The following ADCY9 variants were observed in gnomAD, a reference collection of about 807,000 sequenced individuals.
The protein encoded by ADCY9 is adenylate cyclase 9, also known as adenylate cyclase type 9.
A neutral mutation model predicts 101.5 loss-of-function variants in ADCY9; 50 were observed. The ratio of observed to expected loss-of-function variants is 0.49; its 90% CI spans 0.39 to 0.62. The LOEUF is 0.62. Among genes scored for constraint, ADCY9 ranks in the 20% least tolerant of loss-of-function variants. ADCY9 has a pLI of 0.00. For synonymous variants in ADCY9, 905 were observed against 769.3 expected (o/e 1.18, Z -2.92); for missense variants, 1,662 against 1,800.4 (o/e 0.92, Z 1.39).
At chr16:3,956,166 C>T (rs2055905306) in intron 5 of ADCY9, among the ~76,000 whole-genome samples, 1 of 152,146 alleles carries the variant, frequency 6.6e-6, no homozygotes, top group Non-Finnish European at 1.5e-5. Context: ...CCACAAAGTG[C>T]TGGGATTACA....
chr16:4,023,920 G>C (rs2056495776), intron 2 of ADCY9, among the ~76,000 whole-genome samples: 1 of 152,060 alleles, frequency 6.6e-6, no homozygotes, highest in African/African-American at 2.4e-5. Flanking sequence ...AAAACGACAA[G>C]AGGCATCTGA....
chr16:4,088,767 C>T (rs935669803), intron 2 of ADCY9, among the ~76,000 whole-genome samples: 1 of 152,004 alleles, frequency 6.6e-6, no homozygotes, highest in African/African-American at 2.4e-5. Context: ...CTACAATATA[C>T]TCTAATTGTT....
chr16:4,004,364 T>C (rs1257307150), intron 3 of ADCY9, among the ~76,000 whole-genome samples: 4 of 151,696 alleles, frequency 2.6e-5, no homozygotes, highest in African/African-American at 9.7e-5. Context: ...CATTTCCTGG[T>C]AGGTCGTTAC....
At chr16:4,030,173 A>G (rs895624007) in intron 2 of ADCY9, among the ~76,000 whole-genome samples, 2 of 152,210 alleles carry the variant, frequency 1.3e-5, no homozygotes, top group African/African-American at 4.8e-5. Context: ...ATTTCGGCCA[A>G]AGAAATGCAT....
At chr16:4,085,562 A>T (rs1214820754) in intron 2 of ADCY9, among the ~76,000 whole-genome samples, 1 of 152,156 alleles carries the variant, frequency 6.6e-6, no homozygotes, top group Non-Finnish European at 1.5e-5. Context: ...CAAGAGCTGC[A>T]GCAGAGGGTC....
chr16:3,974,286 C>T (rs943697774), intron 10 of ADCY9, among the ~76,000 whole-genome samples: 2 of 151,080 alleles, frequency 1.3e-5, no homozygotes, highest in Admixed American at 6.6e-5. Context: ...CCTCGTGATC[C>T]GCCCGCCTCG....
intron 6 of ADCY9, among the ~76,000 whole-genome samples, chr16:3,985,670 G>C (rs887278514): frequency 2.0e-5 from 3 of 152,226 alleles, no homozygotes; most frequent in Admixed American, 6.5e-5. Flanking sequence ...TCCAAGCCAA[G>C]GGCTCGGGTA....
rs57326989 is a variant in ADCY9, at chr16:3,963,097, CATATATATATATATATATAT to C, written c.*2658_*2677del. 7,797 of 121,590 alleles carry C rather than the reference CATATATATATATATATATAT, an allele frequency of 0.064. 338 individuals are homozygous for C. Among genetic ancestry groups the C allele is most frequent in the East Asian group, 0.2 (716 of 3,566 alleles). 7.5% of individuals were successfully genotyped at this position (121,590 alleles called of 1,614,324 possible). A position where few individuals can be genotyped will look rare whatever the true frequency, so the allele number is the denominator to read the frequency against. ...GATAAAATTGTGTGTGCTTGTTTAC[CATATATATATATATATATAT>C]ATATATATATATATATATATATATA... is the stretch of plus-strand genomic sequence containing the variant. On this transcript the variant is annotated 3_prime_UTR_variant, in exon 11 of 11. Transcript: ENST00000294016.
At position 4,038,230 on chromosome 16, in the gene ADCY9, G is replaced by A. The variant is rs575869179; in HGVS notation, c.1694-30672C>T. ...CAGGAGGTCCAGGCTGCAGTGAGCC[G>A]TGATTGCACCCCTGCACTCCAGCTT... On this transcript the variant is annotated intron_variant, in intron 2 of 10. Coordinates refer to ENST00000294016, the MANE Select transcript of ADCY9 (RefSeq NM_001116.4). 7.3e-5 allele frequency among the ~76,000 whole-genome samples: 11 copies of A among 151,324 alleles called. No individual in the cohort carries two copies. The East Asian group carries it at 7.8e-4, about 11-fold the overall frequency.
At chr16:4,074,260 G>A (rs923493638) in intron 2 of ADCY9, among the ~76,000 whole-genome samples, 134 of 151,950 alleles carry the variant, frequency 8.8e-4, no homozygotes, top group African/African-American at 3.0e-3. Flanking sequence ...GAATTCTTAC[G>A]AGGTTCTTAT....
intron 2 of ADCY9, among the ~76,000 whole-genome samples, chr16:4,093,512 A>G (rs2056985652): frequency 6.6e-6 from 1 of 152,198 alleles, no homozygotes. Flanking sequence ...AATCTCAATC[A>G]AAGTATATTA....
rs2057127598 is a variant in ADCY9 at position 4,113,629 on chromosome 16, A to G, written c.1693+121T>C. The stretch of plus-strand genomic sequence containing the variant: ...GTCACACTGACCCTGAGATCCCCCC[A>G]TGGTAAGGCATTCTGAGATACCTGA... On this transcript the variant is annotated intron_variant, in intron 2 of 10. Transcript: ENST00000294016. The G allele has an allele frequency of 1.1e-5, 15 of 1,307,582 alleles. 1 individual carries two copies. Among genetic ancestry groups the G allele is most frequent in the Non-Finnish European group, 1.6e-5 (15 of 948,346 alleles). The allele number at this position is 1,307,582 out of a possible 1,614,324, so 81.0% of individuals were successfully genotyped here.
rs1278745400 is a variant in ADCY9, at chr16:4,018,956, T to TGTGTGTGTGTGTGTGTGTGTGCGC, written c.1694-11399_1694-11398insGCGCACACACACACACACACACAC. Among the ~76,000 whole-genome samples, 9 of 150,486 alleles carry TGTGTGTGTGTGTGTGTGTGTGCGC rather than the reference T, an allele frequency of 6.0e-5. 1 individual carries two copies. Among genetic ancestry groups the TGTGTGTGTGTGTGTGTGTGTGCGC allele is most frequent in the African/African-American group, 2.0e-4 (8 of 40,964 alleles). On this transcript the variant is annotated intron_variant, in intron 2 of 10. Coordinates refer to ENST00000294016, the MANE Select transcript of ADCY9 (RefSeq NM_001116.4). ...CTTTTCTGGAAGAATCGCAGTTGTGTGTGTGTGTGTGTGTTTTGTTTTGTT... is the reference window on the plus strand; with the variant it reads ...CTTTTCTGGAAGAATCGCAGTTGTGTGTGTGTGTGTGTGTGTGTGTGCGCGTGTGTGTGTGTGTTTTGTTTTGTT...
At chr16:4,080,718 GTTTTTTT>G (rs35038759) in intron 2 of ADCY9, among the ~76,000 whole-genome samples, 1 of 143,698 alleles carries the variant, frequency 7.0e-6, no homozygotes, top group African/African-American at 2.6e-5. Context: ...CATTTTTTTC[GTTTTTTT>G]TTTTTTGTAA....
intron 2 of ADCY9, among the ~76,000 whole-genome samples, chr16:4,096,202 C>G (rs1444610587): frequency 6.6e-6 from 1 of 152,072 alleles, no homozygotes; most frequent in Non-Finnish European, 1.5e-5. Context: ...CTAAATGTGT[C>G]TAAATGAGAG....
At chr16:3,980,319 G>A (rs1380125161) in intron 7 of ADCY9, among the ~76,000 whole-genome samples, 2 of 152,214 alleles carry the variant, frequency 1.3e-5, no homozygotes, top group African/African-American at 4.8e-5. Context: ...TGAGTGTGCG[G>A]GCCAAGAACC....
At chr16:3,988,064 G>C (rs2056209457) in intron 6 of ADCY9, among the ~76,000 whole-genome samples, 1 of 152,098 alleles carries the variant, frequency 6.6e-6, no homozygotes, top group African/African-American at 2.4e-5. Context: ...GAGAGAGACG[G>C]GGGTCCTACC....
intron 10 of ADCY9, among the ~76,000 whole-genome samples, chr16:3,973,611 C>T (rs943759227): frequency 6.6e-6 from 1 of 152,148 alleles, no homozygotes; most frequent in Non-Finnish European, 1.5e-5. Flanking sequence ...CCCACCTTAG[C>T]TTCCCGAGTA....
chr16:3,960,591 C>A (rs1421469458), downstream of ADCY9, among the ~76,000 whole-genome samples: 2 of 152,086 alleles, frequency 1.3e-5, no homozygotes, highest in East Asian at 1.9e-4. Context: ...TTTTTCTGGA[C>A]AAAGTAACCA....
Sources: gnomAD v4.1 joint callset for allele counts (sites outside exome capture counted in the v4.1 genomes callset) on GRCh38, gnomAD v4.1.1 for gene constraint, MANE v1.5 for transcripts, NCBI Gene and HGNC (gene_info 2026-07-23, HGNC 2026-07-21) for gene names.